PPP3CB: variants seen among roughly 807,000 people sequenced by gnomAD.
PPP3CB encodes protein phosphatase 3 catalytic subunit beta, also known as serine/threonine-protein phosphatase 2B catalytic subunit beta isoform.
Under a neutral mutation model 66.4 loss-of-function variants are expected in PPP3CB, and 8 were observed. The ratio of observed to expected loss-of-function variants is 0.12; its 90% CI spans 0.07 to 0.22. The LOEUF (loss-of-function observed/expected upper bound fraction) is 0.22. Ranked by LOEUF, PPP3CB falls within the 10% of genes least tolerant of loss-of-function variation. PPP3CB has a pLI of 1.00. For missense variants in PPP3CB, 319 were observed against 642.5 expected (o/e 0.50, Z 5.44); for synonymous variants, 208 against 221.2 (o/e 0.94, Z 0.53).
intron 12 of PPP3CB, among the ~76,000 whole-genome samples, chr10:73,441,998 C>T (rs188891606): frequency 6.6e-6 from 1 of 152,268 alleles, no homozygotes; most frequent in East Asian, 1.9e-4. Flanking sequence ...CATCAGGGAA[C>T]ATTATCTACT....
intron 9 of PPP3CB, among the ~76,000 whole-genome samples, chr10:73,460,598 T>C (rs114431094): frequency 3.5e-4 from 53 of 151,852 alleles, no homozygotes; most frequent in African/African-American, 1.2e-3. Context: ...GTGAGGGAAA[T>C]GGATAGAAGA....
intron 1 of PPP3CB, among the ~76,000 whole-genome samples, chr10:73,482,778 C>T (rs1176741316): frequency 5.9e-5 from 9 of 151,716 alleles, no homozygotes; most frequent in African/African-American, 9.7e-5. Context: ...CCACCACACC[C>T]GGCTAATCTT....
intron 4 of PPP3CB, among the ~76,000 whole-genome samples, chr10:73,472,167 G>A (rs2056711962): frequency 6.6e-6 from 1 of 152,148 alleles, no homozygotes; most frequent in Non-Finnish European, 1.5e-5. Context: ...TGACAGAAAA[G>A]TCATCACGTA....
chr10:73,472,794 C>G (rs1470991330), intron 4 of PPP3CB, among the ~76,000 whole-genome samples: 2 of 152,126 alleles, frequency 1.3e-5, no homozygotes. Context: ...GGCAGTGAAG[C>G]AGGAAGCCAA....
Position 73,446,553 on chromosome 10 carries a change from C to G in PPP3CB, c.1207G>C (p.Glu403Gln). 1 of 1,613,902 alleles carries G rather than the reference C, an allele frequency of 6.2e-7. No individual in the cohort carries two copies. The highest frequency in any genetic ancestry group is 8.5e-7 in the Non-Finnish European group (1 of 1,179,838). The change falls in exon 11 of 14, where the codon GAA becomes CAA. Residue 403 changes from glutamate (E) to glutamine (Q), a missense_variant. Coordinates refer to ENST00000360663, the MANE Select transcript of PPP3CB (RefSeq NM_021132.4). The stretch of plus-strand genomic sequence containing the variant: ...GCTCGAATTTTGTTTCTTATGATTT[C>G]TTTCCGGGCTGCAGCTGAACCTACT... ...QFDGSAAARK[E>Q]IIRNKIRAIG...
intron 13 of PPP3CB, among the ~76,000 whole-genome samples, chr10:73,439,393 T>C (rs1177864702): frequency 6.6e-6 from 1 of 152,114 alleles, no homozygotes; most frequent in East Asian, 1.9e-4. Context: ...AAGAAAATCA[T>C]TATAGTGACA....
intron 12 of PPP3CB, among the ~76,000 whole-genome samples, chr10:73,440,679 A>G (rs550905695): frequency 2.6e-5 from 4 of 152,334 alleles, no homozygotes; most frequent in Non-Finnish European, 5.9e-5. Flanking sequence ...ATGAACTCAA[A>G]TTTGCCTCAG....
At chr10:73,464,696 T>C (rs1439314294) in intron 9 of PPP3CB, among the ~76,000 whole-genome samples, 3 of 152,078 alleles carry the variant, frequency 2.0e-5, no homozygotes, top group African/African-American at 4.8e-5. Context: ...CTTTAGGAAG[T>C]TGAGGCAAAC....
chr10:73,451,335 G>A (rs150811045), intron 10 of PPP3CB, among the ~76,000 whole-genome samples: 238 of 152,010 alleles, frequency 1.6e-3, no homozygotes, highest in African/African-American at 5.4e-3. Context: ...AAGTTTGTTA[G>A]ATATAAGATA....
At chr10:73,485,950 G>GTGTGTGTGTGTGTGTATA (rs58404946) in intron 1 of PPP3CB, among the ~76,000 whole-genome samples, 1 of 124,638 alleles carries the variant, frequency 8.0e-6, no homozygotes, top group East Asian at 3.0e-4. Context: ...GTGTGTGTGT[G>GTGTGTGTGTGTGTGTATA]TATTTTTTTT....
At chr10:73,461,760 T>C (rs1020702459) in intron 9 of PPP3CB, among the ~76,000 whole-genome samples, 3 of 152,180 alleles carry the variant, frequency 2.0e-5, no homozygotes, top group Admixed American at 6.5e-5. Context: ...AAGGACATGA[T>C]ATTATAGGGA....
intron 8 of PPP3CB, 55 bp from the exon 9 acceptor site, chr10:73,467,733 A>G: frequency 1.4e-6 from 2 of 1,436,436 alleles, no homozygotes; most frequent in Non-Finnish European, 1.9e-6. Flanking sequence ...ATTTGTCATT[A>G]GCCTTAAAAA....
intron 10 of PPP3CB, among the ~76,000 whole-genome samples, chr10:73,451,742 CTTTTTTTTTT>C (rs765483729): frequency 1.8e-4 from 22 of 124,614 alleles, no homozygotes; most frequent in African/African-American, 4.1e-4. Flanking sequence ...TCACTCATCT[CTTTTTTTTTT>C]TTTTTTTTTT....
At chr10:73,478,824 G>A (rs980491616) in intron 2 of PPP3CB, among the ~76,000 whole-genome samples, 4 of 152,294 alleles carry the variant, frequency 2.6e-5, no homozygotes, top group Middle Eastern at 3.4e-3. Flanking sequence ...AGATGTAACA[G>A]AAATAACGAA....
At chr10:73,455,846 A>G (rs1208460715) in intron 9 of PPP3CB, among the ~76,000 whole-genome samples, 1 of 152,238 alleles carries the variant, frequency 6.6e-6, no homozygotes, top group Non-Finnish European at 1.5e-5. Flanking sequence ...CTGGGATTAC[A>G]GGCGTGAGCC....
intron 9 of PPP3CB, chr10:73,467,234 A>G (rs1281818475): frequency 6.3e-6 from 1 of 159,918 alleles, no homozygotes; most frequent in Non-Finnish European, 1.4e-5. Context: ...AGAAGGGCCC[A>G]TTTCAAGCAA....
chr10:73,462,359 T>C (rs2056536933), intron 9 of PPP3CB, among the ~76,000 whole-genome samples: 1 of 151,564 alleles, frequency 6.6e-6, no homozygotes, highest in Non-Finnish European at 1.5e-5. Context: ...AAAAGGAAAA[T>C]TTGGACTCTA....
At chr10:73,449,090 T>A (rs1339853965) in intron 10 of PPP3CB, among the ~76,000 whole-genome samples, 1 of 152,200 alleles carries the variant, frequency 6.6e-6, no homozygotes, top group Admixed American at 6.5e-5. Flanking sequence ...TGTGGAAGTA[T>A]GTTAAGTAAA....
At chr10:73,469,972 T>C (rs1334126902) in intron 8 of PPP3CB, among the ~76,000 whole-genome samples, 1 of 152,236 alleles carries the variant, frequency 6.6e-6, no homozygotes, top group African/African-American at 2.4e-5. Context: ...CAATCTCATC[T>C]TCAATGTCCT....
Sources: allele counts gnomAD v4.1 joint callset (sites outside exome capture counted in the v4.1 genomes callset), GRCh38; gene constraint gnomAD v4.1.1; transcripts MANE v1.5; gene names NCBI Gene and HGNC (gene_info 2026-07-23, HGNC 2026-07-21).